The following OR8B2 variants were observed in gnomAD, a reference collection of about 807,000 sequenced individuals.
The protein encoded by OR8B2 is olfactory receptor family 8 subfamily B member 2, also known as olfactory receptor 8B2.
For synonymous variants in OR8B2, 98 were observed against 138.2 expected, an observed-to-expected ratio of 0.71 and a Z score of 2.04; for missense variants, 304 against 379.6, an observed-to-expected ratio of 0.80 and a Z score of 1.65.
At chr11:124,396,293 A>G in the OR8B2 span, 1 of 927,754 alleles carries the variant, frequency 1.1e-6, no homozygotes, top group Non-Finnish European at 1.6e-6. Context: ...AGAAATGATA[A>G]GACAAGTTTA....
chr11:124,396,384 T>A, the OR8B2 span: 1 of 1,555,910 alleles, frequency 6.4e-7, no homozygotes, highest in Admixed American at 2.1e-5. Flanking sequence ...AGTTCTTCAA[T>A]CGTTTTACAT....
upstream of OR8B2, among the ~76,000 whole-genome samples, chr11:124,387,102 GTTGTTTGTTTTTTTC>G (rs1366364426): frequency 6.6e-6 from 1 of 152,158 alleles, no homozygotes; most frequent in Admixed American, 6.5e-5. Context: ...TTTTGATGGG[GTTGTTTGTTTTTTTC>G]TTGTAAATTT....
Position 124,382,848 on chromosome 11 carries a change from GT to G in OR8B2, c.495del (p.Arg165SerfsTer127), listed in dbSNP as rs1860621572. Reference protein sequence around the residue: ...GATAHTGCMLRLTFCSANIIN... With the variant: ...GATAHTGCMLXLTFCSANIIN... ...ATGATATTAGCACTGCAGAAGGTGA[GT>G]CTAAGCATGCACCCGGTGTGGGCCG... is the stretch of plus-strand genomic sequence containing the variant. On this transcript the variant is annotated frameshift_variant, in exon 2 of 2. Transcript: ENST00000641451. LOFTEE classifies it low-confidence loss of function (END_TRUNC). 1 of 1,604,108 alleles carries G rather than the reference GT, an allele frequency of 6.2e-7. No homozygotes were observed. Among genetic ancestry groups the G allele is most frequent in the Non-Finnish European group, 8.5e-7 (1 of 1,172,478 alleles).
Position 124,382,935 on chromosome 11 carries a change from A to G in OR8B2, c.409T>C (p.Ser137Pro). Residue 137 changes from serine to proline, a missense_variant, in exon 2 of 2, where the codon TCC becomes CCC. Transcript: ENST00000641451. ...CNPLLYKVTM[S>P]HQVCSMLTFA... is the part of the protein sequence containing the mutation. ...GTGAGCATAGAACAGACCTGATGGG[A>G]CATGGTGACCTTATACAGCAATGGA... 6.2e-7 allele frequency: 1 copy of G among 1,611,776 alleles called. No homozygotes were observed.
the OR8B2 span, among the ~76,000 whole-genome samples, chr11:124,394,445 T>A: frequency 1.3e-5 from 2 of 152,142 alleles, no homozygotes; most frequent in Non-Finnish European, 2.9e-5. Context: ...CAGACCAGGA[T>A]GAAGGCCTCA....
chr11:124,387,574 T>C (rs1235624206), upstream of OR8B2, among the ~76,000 whole-genome samples: 19 of 150,990 alleles, frequency 1.3e-4, no homozygotes, highest in Admixed American at 1.3e-4. Context: ...GTTGTAGATA[T>C]GTGGCGTTAT....
chr11:124,391,535 G>C, the OR8B2 span, among the ~76,000 whole-genome samples: 1 of 151,948 alleles, frequency 6.6e-6, no homozygotes. Context: ...TAAATTCCTC[G>C]ACGCATACAC....
the OR8B2 span, chr11:124,396,590 T>A: frequency 1.3e-5 from 21 of 1,612,648 alleles, no homozygotes; most frequent in African/African-American, 1.6e-4. Context: ...TGAATGCCGC[T>A]GACCCAAAAA....
the OR8B2 span, chr11:124,397,037 GAGAA>G: frequency 1.9e-6 from 3 of 1,613,796 alleles, no homozygotes; most frequent in Admixed American, 3.3e-5. Context: ...TGACAAAAAA[GAGAA>G]AGAAAAACAG....
chr11:124,389,143 C>G (rs1860745852), upstream of OR8B2, among the ~76,000 whole-genome samples: 1 of 152,058 alleles, frequency 6.6e-6, no homozygotes, highest in Non-Finnish European at 1.5e-5. Context: ...TATCTACCTT[C>G]TCTCATATCA....
chr11:124,388,900 C>T (rs1359200840), upstream of OR8B2, among the ~76,000 whole-genome samples: 1 of 149,752 alleles, frequency 6.7e-6, no homozygotes, highest in Non-Finnish European at 1.5e-5. Context: ...GATCTCGGCT[C>T]ACTGCAACTC....
At chr11:124,396,260 A>G in the OR8B2 span, 1 of 805,286 alleles carries the variant, frequency 1.2e-6, no homozygotes, top group East Asian at 2.8e-5. Flanking sequence ...AAACCAAAAA[A>G]AGAGACAAGA....
At chr11:124,385,491 C>CCTGT (rs1860682999), upstream of OR8B2, among the ~76,000 whole-genome samples, 1 of 147,984 alleles carries the variant, frequency 6.8e-6, no homozygotes, top group African/African-American at 2.5e-5. Flanking sequence ...ATTTAACATG[C>CCTGT]GTGTGTGTGT....
the OR8B2 span, among the ~76,000 whole-genome samples, chr11:124,390,514 G>C: frequency 6.6e-6 from 1 of 152,144 alleles, no homozygotes; most frequent in Admixed American, 6.5e-5. Flanking sequence ...TTACGAATTT[G>C]TGTTGGGCCA....
chr11:124,385,608 C>CT (rs1399257531), upstream of OR8B2, among the ~76,000 whole-genome samples: 4 of 132,296 alleles, frequency 3.0e-5, no homozygotes, highest in Admixed American at 8.4e-5. Context: ...AGAATTCTTT[C>CT]TTTTTTTTCT....
chr11:124,384,407 T>C lies in OR8B2; in HGVS notation c.-51A>G, dbSNP rs1860659996. 6.6e-6 allele frequency: 1 copy of C among 152,192 alleles called. No individual in the cohort carries two copies. Among genetic ancestry groups the C allele is most frequent in the Admixed American group, 6.5e-5 (1 of 15,280 alleles). The allele number at this position is 152,192 out of a possible 1,614,324, so 9.4% of individuals were successfully genotyped here. ...CACTCAGAGAACTCAGTGCTGACCA[T>C]TGATATGTGTTTCACCTCCACTGCC... On this transcript the variant is annotated 5_prime_UTR_variant, in exon 1 of 2. The change abolishes an upstream ATG in the 5' untranslated region. Transcript: ENST00000641451.
the OR8B2 span, among the ~76,000 whole-genome samples, chr11:124,394,343 A>G: frequency 2.6e-5 from 4 of 152,124 alleles, no homozygotes; most frequent in Non-Finnish European, 5.9e-5. Flanking sequence ...CCTTAGAAGG[A>G]GATGTCAAGA....
chr11:124,396,932 G>C, the OR8B2 span: 2 of 1,607,464 alleles, frequency 1.2e-6, no homozygotes, highest in South Asian at 2.2e-5. Context: ...GCATAGAACA[G>C]ACCTGATGGG....
chr11:124,387,265 A>G (rs1272778821), upstream of OR8B2, among the ~76,000 whole-genome samples: 2 of 152,240 alleles, frequency 1.3e-5, no homozygotes, highest in Admixed American at 6.5e-5. Flanking sequence ...TAGTTTAATT[A>G]GATCTCATTT....
Sources: allele counts gnomAD v4.1 joint callset (sites outside exome capture counted in the v4.1 genomes callset), GRCh38; gene constraint gnomAD v4.1.1; transcripts MANE v1.5; gene names NCBI Gene and HGNC (gene_info 2026-07-23, HGNC 2026-07-21).